The following GARNL3 variants were observed in gnomAD, a reference collection of about 807,000 sequenced individuals.
GARNL3 encodes GTPase activating Rap/RanGAP domain like 3, also known as GTPase-activating Rap/Ran-GAP domain-like protein 3.
GARNL3 carries 63 observed loss-of-function variants against 125.0 expected under a neutral mutation model. The observed-to-expected ratio is 0.50, with a 90% CI of 0.41 to 0.62. GARNL3 has a LOEUF of 0.62. GARNL3 is among the 20% of genes least tolerant of loss of function. GARNL3 has a pLI of 0.00. For synonymous variants in GARNL3, 439 were observed against 457.5 expected, an observed-to-expected ratio of 0.96 and a Z score of 0.52; for missense variants, 994 against 1,244.0, an observed-to-expected ratio of 0.80 and a Z score of 3.02.
chr9:127,240,907 C>CA (rs1328465037), intron 1 of GARNL3, among the ~76,000 whole-genome samples: 1 of 152,012 alleles, frequency 6.6e-6, no homozygotes, highest in Non-Finnish European at 1.5e-5. Flanking sequence ...GACCCTGTCT[C>CA]AAAAAAATTT....
rs185866919 is a variant in GARNL3, at chr9:127,384,374, G to A, written c.2270-653G>A. ...GCCAGTGCGAAGAAGGGGACAACACGAAGTGCCAGGAAGAAAGAGGTGTGC... is the reference window on the plus strand; with the variant it reads ...GCCAGTGCGAAGAAGGGGACAACACAAAGTGCCAGGAAGAAAGAGGTGTGC... On this transcript the variant is annotated intron_variant, in intron 23 of 27. Coordinates refer to ENST00000373387, the MANE Select transcript of GARNL3 (RefSeq NM_032293.5). The surrounding 1 kb of genome is among the most constrained non-coding windows in gnomAD (Gnocchi z 4.0). Among the ~76,000 whole-genome samples, 41 of 152,162 alleles carry A rather than the reference G, an allele frequency of 2.7e-4. No individual in the cohort carries two copies. The East Asian group carries it at 7.9e-3, about 29-fold the overall frequency.
chr9:127,328,317 G>T (rs1475198892), intron 7 of GARNL3, among the ~76,000 whole-genome samples: 1 of 152,196 alleles, frequency 6.6e-6, no homozygotes, highest in South Asian at 2.1e-4. Context: ...TCTGAGAGCT[G>T]TGTGGCGAGG....
At chr9:127,256,154 C>T (rs1447498651) in intron 2 of GARNL3, among the ~76,000 whole-genome samples, 1 of 152,138 alleles carries the variant, frequency 6.6e-6, no homozygotes, top group Non-Finnish European at 1.5e-5. Flanking sequence ...AGTGATGTTT[C>T]CCATACCAAA....
chr9:127,368,368 TAGC>T (rs1312700329), intron 22 of GARNL3, among the ~76,000 whole-genome samples: 1 of 149,900 alleles, frequency 6.7e-6, no homozygotes, highest in Non-Finnish European at 1.5e-5. Context: ...TCTAGCTCTG[TAGC>T]CCAGGCTGGA....
At chr9:127,338,817 G>A (rs575923576) in intron 12 of GARNL3, among the ~76,000 whole-genome samples, 130 of 152,348 alleles carry the variant, frequency 8.5e-4, no homozygotes, top group Non-Finnish European at 1.4e-3. Context: ...AAAGCACATT[G>A]ACTAAGCTGG....
chr9:127,313,200 G>A (rs1296577656), intron 3 of GARNL3, among the ~76,000 whole-genome samples: 1 of 152,114 alleles, frequency 6.6e-6, no homozygotes, highest in Non-Finnish European at 1.5e-5. Context: ...AAGCCCCTTG[G>A]CAGATTTCTC....
intron 2 of GARNL3, among the ~76,000 whole-genome samples, chr9:127,258,575 G>A (rs969034292): frequency 3.9e-5 from 6 of 152,104 alleles, no homozygotes; most frequent in Non-Finnish European, 7.4e-5. Flanking sequence ...GGAGTTTGAG[G>A]CTGCAGTGAG....
upstream of GARNL3, among the ~76,000 whole-genome samples, chr9:127,259,705 C>T (rs751834939): frequency 1.3e-5 from 2 of 151,836 alleles, no homozygotes; most frequent in African/African-American, 2.4e-5. Context: ...GCCAACTTTC[C>T]AGGTCCCTTT....
At chr9:127,319,163 A>G (rs1458695523) in intron 5 of GARNL3, among the ~76,000 whole-genome samples, 3 of 152,066 alleles carry the variant, frequency 2.0e-5, no homozygotes, top group East Asian at 1.9e-4. Flanking sequence ...ACTTGACTCT[A>G]TCTGTTGGGG....
At chr9:127,344,368 G>A (rs543726385) in intron 15 of GARNL3, 29 bp downstream of exon 15, 44 of 1,465,746 alleles carry the variant, frequency 3.0e-5, no homozygotes, top group South Asian at 8.0e-5. Context: ...CCTTTTCTGC[G>A]AGACATGTAG....
intron 18 of GARNL3, 148 bp downstream of exon 18, chr9:127,354,092 C>G: frequency 1.5e-6 from 1 of 688,364 alleles, no homozygotes; most frequent in South Asian, 1.8e-5. Flanking sequence ...CCTCAGTGGC[C>G]CCTTTGTTCT....
In GARNL3 at chr9:127,266,813, C is replaced by T. The variant is rs543151716; in HGVS notation, c.144+1792C>T. On this transcript the variant is annotated intron_variant, in intron 1 of 27. Transcript: ENST00000373387. The surrounding 1 kb of genome is among the most constrained non-coding windows in gnomAD (Gnocchi z 4.0). ...ACTTGGCCTAGCAAGTAATATGGAG[C>T]GCTTTTAAACAGTGACAACATTACT... is the stretch of plus-strand genomic sequence containing the variant. 1.3e-5 allele frequency among the ~76,000 whole-genome samples: 2 copies of T among 152,236 alleles called. No individual in the cohort carries two copies. The highest frequency in any genetic ancestry group is 2.4e-5 in the African/African-American group (1 of 41,530).
At chr9:127,298,187 G>T (rs2779720) in intron 2 of GARNL3, among the ~76,000 whole-genome samples, 124,692 of 151,954 alleles carry the variant, frequency 0.82, 51,782 homozygotes, top group African/African-American at 0.94. Context: ...GTTTTTTGGG[G>T]TTTTTTTGAG....
At chr9:127,358,277 T>G (rs1468854215) in intron 21 of GARNL3, among the ~76,000 whole-genome samples, 2 of 152,226 alleles carry the variant, frequency 1.3e-5, no homozygotes, top group Non-Finnish European at 2.9e-5. Flanking sequence ...CCCACGTATG[T>G]ATCTCTGTGA....
rs112461162 is a variant in GARNL3, at chr9:127,333,498, A to G, written c.769+377A>G. Among the ~76,000 whole-genome samples, 572 of 152,284 alleles carry G rather than the reference A, an allele frequency of 3.8e-3. 3 individuals carry two copies. The highest frequency in any genetic ancestry group is 0.013 in the African/African-American group (540 of 41,566). On this transcript the variant is annotated intron_variant, in intron 9 of 27. Coordinates refer to ENST00000373387, the MANE Select transcript of GARNL3 (RefSeq NM_032293.5). The stretch of plus-strand genomic sequence containing the variant: ...CAGATGTTATGCAGATAATCATCAA[A>G]TGGTTTAGCACTAAGTACAGAAGGC...
At chr9:127,224,858 C>T (rs1444496325) in intron 1 of GARNL3, among the ~76,000 whole-genome samples, 1 of 136,490 alleles carries the variant, frequency 7.3e-6, no homozygotes, top group African/African-American at 2.8e-5. Context: ...AGAAAGCCGG[C>T]GGCAAGAACC....
chr9:127,255,034 A>T (rs1433658207), intron 2 of GARNL3, among the ~76,000 whole-genome samples: 1 of 152,224 alleles, frequency 6.6e-6, no homozygotes, highest in Non-Finnish European at 1.5e-5. Flanking sequence ...AGCAACTAGA[A>T]TGCATATGCT....
upstream of GARNL3, among the ~76,000 whole-genome samples, chr9:127,263,288 C>G (rs984271131): frequency 6.6e-6 from 1 of 152,230 alleles, no homozygotes; most frequent in Non-Finnish European, 1.5e-5. Flanking sequence ...GGACCCAGTG[C>G]TCTACATCCT....
At chr9:127,287,597 G>A (rs1294937312) in intron 1 of GARNL3, among the ~76,000 whole-genome samples, 1 of 152,228 alleles carries the variant, frequency 6.6e-6, no homozygotes, top group African/African-American at 2.4e-5. Context: ...TTAGCAAGCT[G>A]TGTGAGCCAG....
Sources: allele counts gnomAD v4.1 joint callset (sites outside exome capture counted in the v4.1 genomes callset), GRCh38; gene constraint gnomAD v4.1.1; non-coding constraint Gnocchi (gnomAD v3.1); transcripts MANE v1.5; gene names NCBI Gene and HGNC (gene_info 2026-07-23, HGNC 2026-07-21).